Variants in AGBL1 observed in about 807,000 individuals in gnomAD.
AGBL1 encodes the protein cytosolic carboxypeptidase 4.
Under a neutral mutation model 118.9 loss-of-function variants are expected in AGBL1, and 130 were observed. The observed-to-expected ratio is 1.09, with a 90% CI of 0.95 to 1.26. The LOEUF is 1.26. AGBL1 is among the 50% of genes most tolerant of loss of function. The pLI is 0.00. For missense variants in AGBL1, 1,584 were observed against 1,298.1 expected, an observed-to-expected ratio of 1.22 and a Z score of -3.38; for synonymous variants, 555 against 478.9, an observed-to-expected ratio of 1.16 and a Z score of -2.08.
chr15:86,771,696 A>C (rs2141289545), intron 22 of AGBL1, among the ~76,000 whole-genome samples: 1 of 152,128 alleles, frequency 6.6e-6, no homozygotes, highest in East Asian at 1.9e-4. Context: ...ACATTCAGGG[A>C]TGGATAAAAA....
At chr15:86,987,936 CTA>C in intron 23 of AGBL1, 1 of 1,579,884 alleles carries the variant, frequency 6.3e-7, no homozygotes, top group Non-Finnish European at 8.6e-7. Flanking sequence ...ATATGTGACA[CTA>C]TGGTTTATTT....
intron 18 of AGBL1, among the ~76,000 whole-genome samples, chr15:86,513,321 T>G (rs958485660): frequency 2.0e-5 from 3 of 152,016 alleles, no homozygotes; most frequent in African/African-American, 7.2e-5. Context: ...TGGGTTTGTC[T>G]GATGTTTCCT....
At chr15:86,141,244 G>A (rs1291725594) in intron 1 of AGBL1, among the ~76,000 whole-genome samples, 1 of 152,296 alleles carries the variant, frequency 6.6e-6, no homozygotes, top group East Asian at 1.9e-4. Flanking sequence ...TTTCATAATA[G>A]GATTTGGCAC....
chr15:86,995,582 G>A (rs912598749), intron 24 of AGBL1, among the ~76,000 whole-genome samples: 1 of 152,136 alleles, frequency 6.6e-6, no homozygotes, highest in African/African-American at 2.4e-5. Flanking sequence ...ATTTCCAGAA[G>A]GAAGGCACAG....
At chr15:86,532,407 T>C (rs964952815) in intron 19 of AGBL1, among the ~76,000 whole-genome samples, 2 of 139,554 alleles carry the variant, frequency 1.4e-5, no homozygotes, top group African/African-American at 2.8e-5. Context: ...TTACAAGGGA[T>C]GTGAAGGACC....
chr15:86,343,833 G>C (rs761756639), intron 17 of AGBL1, among the ~76,000 whole-genome samples: 1 of 152,078 alleles, frequency 6.6e-6, no homozygotes, highest in Non-Finnish European at 1.5e-5. Context: ...CTGCTCGCAG[G>C]GCTTTTAATC....
chr15:86,254,126 G>A (rs2078859065), intron 7 of AGBL1, among the ~76,000 whole-genome samples: 1 of 152,180 alleles, frequency 6.6e-6, no homozygotes, highest in South Asian at 2.1e-4. Flanking sequence ...TGTTATCATG[G>A]GAATTATTAC....
chr15:86,959,415 T>C (rs919788936), intron 23 of AGBL1, among the ~76,000 whole-genome samples: 1 of 152,138 alleles, frequency 6.6e-6, no homozygotes, highest in Non-Finnish European at 1.5e-5. Flanking sequence ...TGCCTGGAAA[T>C]GGGTGTTCTC....
intron 17 of AGBL1, among the ~76,000 whole-genome samples, chr15:86,323,618 G>T (rs1233329718): frequency 6.6e-6 from 1 of 152,172 alleles, no homozygotes; most frequent in African/African-American, 2.4e-5. Flanking sequence ...AATCCTGCTT[G>T]CCCTTTGGTG....
intron 18 of AGBL1, among the ~76,000 whole-genome samples, chr15:86,446,829 A>G (rs1193591265): frequency 2.6e-5 from 4 of 152,172 alleles, no homozygotes; most frequent in African/African-American, 9.7e-5. Context: ...ACACTGTTAT[A>G]TTTACAGAGT....
intron 6 of AGBL1, among the ~76,000 whole-genome samples, chr15:86,233,187 C>T (rs1469436064): frequency 6.6e-6 from 1 of 152,144 alleles, no homozygotes; most frequent in East Asian, 1.9e-4. Context: ...TCCCACCTTC[C>T]ACATGGAGTC....
intron 18 of AGBL1, among the ~76,000 whole-genome samples, chr15:86,415,587 C>G (rs1477224476): frequency 2.0e-5 from 3 of 152,122 alleles, no homozygotes; most frequent in African/African-American, 7.2e-5. Flanking sequence ...GTGTATTTAG[C>G]ATGAAGCCTT....
At chr15:86,865,048 G>T (rs1476335057) in intron 22 of AGBL1, among the ~76,000 whole-genome samples, 1 of 152,148 alleles carries the variant, frequency 6.6e-6, no homozygotes, top group African/African-American at 2.4e-5. Flanking sequence ...TTGTTGACTT[G>T]TTCGCTGTAG....
chr15:86,459,113 A>G (rs2082297953), intron 18 of AGBL1, among the ~76,000 whole-genome samples: 2 of 152,128 alleles, frequency 1.3e-5, no homozygotes, highest in Admixed American at 1.3e-4. Context: ...GCTTATATTC[A>G]CACGTGTTGA....
chr15:86,752,158 T>C (rs2077864170), intron 22 of AGBL1, among the ~76,000 whole-genome samples: 1 of 152,074 alleles, frequency 6.6e-6, no homozygotes. Flanking sequence ...ACTTATCTGT[T>C]TGTGTGCCGT....
chr15:86,930,458 A>G (rs2080591864), intron 23 of AGBL1, among the ~76,000 whole-genome samples: 1 of 152,078 alleles, frequency 6.6e-6, no homozygotes, highest in South Asian at 2.1e-4. Flanking sequence ...GCTTCGGGAG[A>G]TCTGTTTATT....
At chr15:86,282,486 A>G (rs1048247720) in intron 16 of AGBL1, among the ~76,000 whole-genome samples, 1 of 152,198 alleles carries the variant, frequency 6.6e-6, no homozygotes, top group Non-Finnish European at 1.5e-5. Flanking sequence ...TATTTCTCCT[A>G]AATGAACAAA....
chr15:86,553,128 TA>T (rs935918873), intron 20 of AGBL1, among the ~76,000 whole-genome samples: 5 of 152,206 alleles, frequency 3.3e-5, no homozygotes, highest in Admixed American at 1.3e-4. Flanking sequence ...GTAATTTGTC[TA>T]AAAGCCTAAG....
intron 1 of AGBL1, among the ~76,000 whole-genome samples, chr15:86,111,456 G>A (rs552455472): frequency 6.6e-6 from 1 of 152,172 alleles, no homozygotes; most frequent in Non-Finnish European, 1.5e-5. Context: ...TGGGTGTCAA[G>A]GTAGAGATGG....
Sources: gnomAD v4.1 joint callset for allele counts (sites outside exome capture counted in the v4.1 genomes callset) on GRCh38, gnomAD v4.1.1 for gene constraint, MANE v1.5 for transcripts, NCBI Gene and HGNC (gene_info 2026-07-23, HGNC 2026-07-21) for gene names.